CADM2: variants seen among roughly 807,000 people sequenced by gnomAD.
CADM2 encodes cell adhesion molecule 2.
Under a neutral mutation model 49.8 loss-of-function variants are expected in CADM2, and 12 were observed. The observed-to-expected ratio is 0.24, with a 90% CI of 0.15 to 0.39. The LOEUF (loss-of-function observed/expected upper bound fraction) is 0.39. Ranked by LOEUF, CADM2 falls within the 10% of genes least tolerant of loss-of-function variation. The pLI is 1.00. For synonymous variants in CADM2, 214 were observed against 175.4 expected (o/e 1.22, Z -1.74); for missense variants, 378 against 492.3 (o/e 0.77, Z 2.20).
chr3:85,665,254 A>G (rs2065530490), intron 1 of CADM2, among the ~76,000 whole-genome samples: 1 of 151,964 alleles, frequency 6.6e-6, no homozygotes, highest in African/African-American at 2.4e-5. Flanking sequence ...AAAATCTCAT[A>G]ATACATTTAA....
intron 5 of CADM2, among the ~76,000 whole-genome samples, chr3:85,911,330 CT>C (rs1266843897): frequency 2.0e-5 from 3 of 152,168 alleles, no homozygotes; most frequent in African/African-American, 7.2e-5. Context: ...TGCTAAACCT[CT>C]TTTCCACAAA....
At position 85,410,679 on chromosome 3, in the gene CADM2, A is replaced by G. The variant is rs115622599; in HGVS notation, c.62-315843A>G. ...TTTAGAGCAGAATACTTTAAGCTAC[A>G]ACAAGTTATTGGCTAAAGGCAATTT... On this transcript the variant is annotated intron_variant, in intron 1 of 9. Transcript: ENST00000383699. Among the ~76,000 whole-genome samples the G allele has an allele frequency of 6.7e-3, 1,022 of 152,324 alleles. 11 individuals carry two copies. Among genetic ancestry groups the G allele is most frequent in the African/African-American group, 0.021 (879 of 41,578 alleles).
At chr3:86,048,385 C>T (rs1358753202) in intron 8 of CADM2, among the ~76,000 whole-genome samples, 1 of 151,786 alleles carries the variant, frequency 6.6e-6, no homozygotes, top group Non-Finnish European at 1.5e-5. Flanking sequence ...CAATAGATTG[C>T]TATTAAGATG....
At chr3:85,858,071 G>A (rs1215945901) in intron 3 of CADM2, among the ~76,000 whole-genome samples, 1 of 152,168 alleles carries the variant, frequency 6.6e-6, no homozygotes, top group Middle Eastern at 3.2e-3. Context: ...ACAACTCATT[G>A]ATGTGAAGTA....
Position 85,080,607 on chromosome 3 carries a change from T to C in CADM2, c.61+120939T>C, listed in dbSNP as rs571149344. ...TTCTCAATGGATATAATATAAATAT[T>C]TTGAAATATCAAAAATCTTCATTTG... On this transcript the variant is annotated intron_variant, in intron 1 of 9. Coordinates refer to ENST00000383699, the MANE Select transcript of CADM2 (RefSeq NM_001167675.2). Among the ~76,000 whole-genome samples, 193 of 152,126 alleles carry C rather than the reference T, an allele frequency of 1.3e-3. 1 individual carries two copies. The highest frequency in any genetic ancestry group is 4.3e-3 in the African/African-American group (180 of 41,568).
intron 2 of CADM2, among the ~76,000 whole-genome samples, chr3:85,732,377 G>A (rs1442863456): frequency 6.6e-6 from 1 of 152,126 alleles, no homozygotes; most frequent in African/African-American, 2.4e-5. Flanking sequence ...TTCTACACAA[G>A]ACTGATCTAA....
intron 8 of CADM2, among the ~76,000 whole-genome samples, chr3:86,022,063 G>A (rs1733264061): frequency 6.6e-6 from 1 of 152,028 alleles, no homozygotes; most frequent in African/African-American, 2.4e-5. Flanking sequence ...CATTTTTACT[G>A]TCTATATGCA....
intron 1 of CADM2, among the ~76,000 whole-genome samples, chr3:84,993,370 C>G (rs978088083): frequency 6.6e-6 from 1 of 152,136 alleles, no homozygotes; most frequent in Non-Finnish European, 1.5e-5. Context: ...GCAATACTCT[C>G]TCTGTTACCA....
At chr3:85,499,412 C>G (rs560938700) in intron 1 of CADM2, among the ~76,000 whole-genome samples, 1 of 151,984 alleles carries the variant, frequency 6.6e-6, no homozygotes, top group South Asian at 2.1e-4. Flanking sequence ...TTTTGACACT[C>G]AAATTGTCTC....
intron 1 of CADM2, among the ~76,000 whole-genome samples, chr3:85,596,189 G>C (rs1171156682): frequency 4.7e-5 from 7 of 150,120 alleles, no homozygotes. Flanking sequence ...TTTATTTTTT[G>C]ACTGTCAATG....
chr3:85,740,597 T>C (rs913090611), intron 2 of CADM2, among the ~76,000 whole-genome samples: 4 of 152,202 alleles, frequency 2.6e-5, no homozygotes, highest in Non-Finnish European at 5.9e-5. Flanking sequence ...ATAAAGAATA[T>C]GAGGCCATAA....
At chr3:85,530,078 A>T (rs564040187) in intron 1 of CADM2, among the ~76,000 whole-genome samples, 256 of 151,898 alleles carry the variant, frequency 1.7e-3, no homozygotes, top group African/African-American at 4.6e-3. Context: ...ACTTAGTGGG[A>T]GGTGATTGGA....
intron 1 of CADM2, among the ~76,000 whole-genome samples, chr3:85,295,594 C>T (rs548144912): frequency 0.063 from 9,610 of 151,344 alleles, 1,003 homozygotes; most frequent in African/African-American, 0.22. Context: ...ATATACACCA[C>T]GGAATACTAT....
intron 1 of CADM2, among the ~76,000 whole-genome samples, chr3:85,326,780 T>C (rs1187812860): frequency 6.6e-6 from 1 of 152,144 alleles, no homozygotes; most frequent in Non-Finnish European, 1.5e-5. Flanking sequence ...ACTTAAACAC[T>C]GAAAATATTG....
intron 1 of CADM2, among the ~76,000 whole-genome samples, chr3:85,581,074 T>C (rs759375676): frequency 6.6e-6 from 1 of 152,106 alleles, no homozygotes; most frequent in African/African-American, 2.4e-5. Flanking sequence ...CATGAAATGT[T>C]CCCATAGATT....
chr3:85,383,516 GTA>G (rs994717831), intron 1 of CADM2, among the ~76,000 whole-genome samples: 648 of 24,424 alleles, frequency 0.027, 6 homozygotes, highest in African/African-American at 0.094. Flanking sequence ...ATATATATAT[GTA>G]TATATATATA....
intron 2 of CADM2, among the ~76,000 whole-genome samples, chr3:85,797,758 C>T (rs1475564198): frequency 6.6e-6 from 1 of 152,078 alleles, no homozygotes; most frequent in South Asian, 2.1e-4. Flanking sequence ...GATTTATAAT[C>T]CTTTGGGTAT....
intron 1 of CADM2, among the ~76,000 whole-genome samples, chr3:85,435,331 T>C (rs761786776): frequency 1.2e-4 from 19 of 152,142 alleles, no homozygotes; most frequent in Admixed American, 2.0e-4. Context: ...TCCAGGTGCC[T>C]GCAAACAACA....
At chr3:85,756,167 T>G (rs1232150784) in intron 2 of CADM2, among the ~76,000 whole-genome samples, 2 of 152,002 alleles carry the variant, frequency 1.3e-5, no homozygotes, top group African/African-American at 2.4e-5. Context: ...ACCAATTTTT[T>G]TTTTTAATTA....
Sources: gnomAD v4.1 joint callset for allele counts (sites outside exome capture counted in the v4.1 genomes callset) on GRCh38, gnomAD v4.1.1 for gene constraint, MANE v1.5 for transcripts, NCBI Gene and HGNC (gene_info 2026-07-23, HGNC 2026-07-21) for gene names.